ZNF782: variants seen among roughly 807,000 people sequenced by gnomAD.
ZNF782 encodes the protein zinc finger protein 782.
A neutral mutation model predicts 13.0 loss-of-function variants in ZNF782; 12 were observed. The observed-to-expected ratio is 0.92, with a 90% CI of 0.59 to 1.50. The LOEUF is 1.50. Among genes scored for constraint, ZNF782 ranks in the 40% most tolerant of loss-of-function variants. The pLI, the probability that ZNF782 is intolerant of heterozygous loss-of-function variation, is 0.00. For synonymous variants in ZNF782, 284 were observed against 283.0 expected, an observed-to-expected ratio of 1.00 and a Z score of -0.04; for missense variants, 770 against 822.9, an observed-to-expected ratio of 0.94 and a Z score of 0.79.
rs531848242 is a variant in ZNF782, at chr9:96,819,579, G to A, written c.444C>T (p.Leu148=). Residue 148 remains leucine, a synonymous_variant, in exon 6 of 6, where the codon CTC becomes CTT. Transcript: ENST00000481138. ...CDIAGSACQG[L]SLMAPHCQYS... is the part of the protein sequence containing the mutation. Reference sequence around the variant, plus strand: ...ACTGACAGTGTGGGGCCATCAGGCTGAGCCCCTGGCAAGCAGACCCCGCAA... The same window carrying A: ...ACTGACAGTGTGGGGCCATCAGGCTAAGCCCCTGGCAAGCAGACCCCGCAA... The A allele has an allele frequency of 5.0e-5, 80 of 1,613,760 alleles. No individual in the cohort carries two copies. In the South Asian group the frequency reaches 8.4e-4, roughly 17 times the overall value.
intron 1 of ZNF782, among the ~76,000 whole-genome samples, chr9:96,868,484 CAT>C (rs565975481): frequency 1.1e-3 from 161 of 152,326 alleles, no homozygotes; most frequent in African/African-American, 3.8e-3. Context: ...GACCCTACCA[CAT>C]GTTTGTATTT....
chr9:96,929,121 G>A, the ZNF782 span: 2 of 1,604,318 alleles, frequency 1.2e-6, no homozygotes, highest in African/African-American at 2.7e-5. Context: ...TGTCCCTGGG[G>A]ACAGCTTATA....
chr9:96,828,875 T>C (rs1040542262), intron 4 of ZNF782, among the ~76,000 whole-genome samples: 2 of 152,002 alleles, frequency 1.3e-5, no homozygotes, highest in African/African-American at 4.8e-5. Context: ...CCAATGTACA[T>C]TATAATCAAA....
chr9:96,911,161 C>T, the ZNF782 span, among the ~76,000 whole-genome samples: 326 of 146,728 alleles, frequency 2.2e-3, 4 homozygotes, highest in African/African-American at 7.6e-3. Flanking sequence ...AAAAAAGGGC[C>T]AGGCGCGGTG....
At chr9:96,833,567 T>C (rs1205233972) in intron 4 of ZNF782, among the ~76,000 whole-genome samples, 1 of 152,218 alleles carries the variant, frequency 6.6e-6, no homozygotes, top group Non-Finnish European at 1.5e-5. Context: ...TCACATCTCA[T>C]CAAGGGAATA....
rs191019598 is a variant in ZNF782 at position 96,823,432 on chromosome 9, G to T, written c.244+3648C>A. On this transcript the variant is annotated intron_variant, in intron 5 of 5. Coordinates refer to ENST00000481138, the MANE Select transcript of ZNF782 (RefSeq NM_001001662.3). Reference sequence around the variant, plus strand: ...TTTTATGACACCTGATGAAAATTTAGTGCACAAATATTCAAAACTCTTAAA... The same window carrying T: ...TTTTATGACACCTGATGAAAATTTATTGCACAAATATTCAAAACTCTTAAA... Among the ~76,000 whole-genome samples, 11 of 152,270 alleles carry T rather than the reference G, an allele frequency of 7.2e-5. No individual in the cohort carries two copies. The East Asian group carries it at 1.5e-3, about 21-fold the overall frequency.
chr9:96,857,015 C>T (rs887774948), upstream of ZNF782, among the ~76,000 whole-genome samples: 5 of 152,278 alleles, frequency 3.3e-5, no homozygotes, highest in African/African-American at 9.6e-5. Flanking sequence ...CTCTCTTGAC[C>T]GCAGTTTTTT....
At chr9:96,887,757 T>G in the ZNF782 span, 1 of 152,046 alleles carries the variant, frequency 6.6e-6, no homozygotes, top group African/African-American at 2.4e-5. Context: ...AGCAAAGACT[T>G]GGAACCAACC....
chr9:96,882,198 G>A, the ZNF782 span, among the ~76,000 whole-genome samples: 2 of 151,940 alleles, frequency 1.3e-5, no homozygotes, highest in African/African-American at 4.8e-5. Context: ...CTGTGAAAAA[G>A]GGATGTTAAA....
chr9:96,910,918 G>A, the ZNF782 span, among the ~76,000 whole-genome samples: 1 of 150,256 alleles, frequency 6.7e-6, no homozygotes, highest in African/African-American at 2.4e-5. Flanking sequence ...TTACAGGCGT[G>A]AGCCATCGCG....
At chr9:96,879,457 C>A (rs907744258), upstream of ZNF782, among the ~76,000 whole-genome samples, 2 of 152,140 alleles carry the variant, frequency 1.3e-5, no homozygotes, top group Non-Finnish European at 2.9e-5. Flanking sequence ...GAGCCCAGAT[C>A]GCGCCACTGC....
At chr9:96,829,726 T>A (rs1850737342) in intron 4 of ZNF782, among the ~76,000 whole-genome samples, 1 of 152,004 alleles carries the variant, frequency 6.6e-6, no homozygotes, top group Non-Finnish European at 1.5e-5. Context: ...CAAGTTTAAA[T>A]AAACTTTAAA....
the ZNF782 span, among the ~76,000 whole-genome samples, chr9:96,916,249 T>C: frequency 3.4e-4 from 51 of 151,982 alleles, no homozygotes; most frequent in South Asian, 0.01. Context: ...CCCAGCACTT[T>C]GGAGACTAAG....
chr9:96,867,298 T>C (rs1293384476), intron 1 of ZNF782, among the ~76,000 whole-genome samples: 2 of 152,204 alleles, frequency 1.3e-5, no homozygotes, highest in Non-Finnish European at 2.9e-5. Context: ...TCATGAGATC[T>C]GACAGTATTA....
chr9:96,824,389 T>C (rs1182008709), intron 5 of ZNF782, among the ~76,000 whole-genome samples: 12 of 148,588 alleles, frequency 8.1e-5, no homozygotes, highest in African/African-American at 3.0e-4. Flanking sequence ...AAATTAGGTA[T>C]TGATGGGACA....
chr9:96,865,748 G>A (rs181852747), intron 1 of ZNF782, among the ~76,000 whole-genome samples: 5 of 152,268 alleles, frequency 3.3e-5, no homozygotes, highest in East Asian at 3.9e-4. Flanking sequence ...CTTCTTTAAC[G>A]GCTTTGACCA....
At chr9:96,866,026 A>T (rs1027327190) in intron 1 of ZNF782, among the ~76,000 whole-genome samples, 6 of 152,356 alleles carry the variant, frequency 3.9e-5, no homozygotes, top group Admixed American at 3.3e-4. Context: ...GACACAGAGC[A>T]TAAAAGTTTG....
the ZNF782 span, among the ~76,000 whole-genome samples, chr9:96,932,738 C>T: frequency 5.9e-5 from 9 of 151,494 alleles, no homozygotes; most frequent in African/African-American, 7.3e-5. Context: ...TCACAACCTC[C>T]GCCTCCTGGG....
the ZNF782 span, chr9:96,931,834 C>T: frequency 8.1e-6 from 13 of 1,612,356 alleles, no homozygotes; most frequent in African/African-American, 4.0e-5. Context: ...GGCCGCCCCT[C>T]GTGACTGCAG....
Sources: allele counts gnomAD v4.1 joint callset (sites outside exome capture counted in the v4.1 genomes callset), GRCh38; gene constraint gnomAD v4.1.1; transcripts MANE v1.5; gene names NCBI Gene and HGNC (gene_info 2026-07-23, HGNC 2026-07-21).